SERPINB5: variants seen among roughly 807,000 people sequenced by gnomAD.
The protein encoded by SERPINB5 is serpin B5.
A neutral mutation model predicts 32.2 loss-of-function variants in SERPINB5; 27 were observed. That is an observed-to-expected ratio of 0.84 (90% confidence interval 0.62 to 1.16). The LOEUF (loss-of-function observed/expected upper bound fraction) is 1.16. SERPINB5 is among the 50% of genes most tolerant of loss of function. SERPINB5 has a pLI of 0.00. For missense variants in SERPINB5, 388 were observed against 436.3 expected (o/e 0.89, Z 0.99); for synonymous variants, 154 against 157.4 (o/e 0.98, Z 0.16).
In SERPINB5 at chr18:63,503,925, C is replaced by G. The variant is rs1030373685; in HGVS notation, c.*203C>G. 2 of 571,776 alleles carry G rather than the reference C, an allele frequency of 3.5e-6. No individual in the cohort carries two copies. The highest frequency in any genetic ancestry group is 3.0e-6 in the Non-Finnish European group (1 of 329,316). The allele number at this position is 571,776 out of a possible 1,614,324, so 35.4% of individuals were successfully genotyped here. On this transcript the variant is annotated 3_prime_UTR_variant, in exon 7 of 7. Coordinates refer to ENST00000382771, the MANE Select transcript of SERPINB5 (RefSeq NM_002639.5). Reference sequence around the variant, plus strand: ...TTCTATCTTTTGTTTCCTTTTTTCCCATAAGACAATGACATACGCTTTTAA... The same window carrying G: ...TTCTATCTTTTGTTTCCTTTTTTCCGATAAGACAATGACATACGCTTTTAA...
intron 6 of SERPINB5, among the ~76,000 whole-genome samples, chr18:63,500,660 C>T (rs1909552244): frequency 6.6e-6 from 1 of 152,126 alleles, no homozygotes. Context: ...TTAGTCCCTC[C>T]CTGGCTTCCA....
Position 63,499,101 on chromosome 18 carries a change from C to T in SERPINB5, c.568-19C>T, listed in dbSNP as rs1169052955. The T allele has an allele frequency of 3.5e-6, 5 of 1,423,964 alleles. No homozygotes were observed. The highest frequency in any genetic ancestry group is 2.9e-5 in the African/African-American group (2 of 68,484). The allele number at this position is 1,423,964 out of a possible 1,614,324, so 88.2% of individuals were successfully genotyped here. A position where few individuals can be genotyped will look rare whatever the true frequency, so the allele number is the denominator to read the frequency against. ...TGTGTAAATTGAAAAGTAAGCAGTCCAAATTTTCCCTTTTACAGACAGACA... is the reference window on the plus strand; with the variant it reads ...TGTGTAAATTGAAAAGTAAGCAGTCTAAATTTTCCCTTTTACAGACAGACA... On this transcript the variant is annotated intron_variant, in intron 5 of 6. Coordinates refer to ENST00000382771, the MANE Select transcript of SERPINB5 (RefSeq NM_002639.5).
intron 1 of SERPINB5, among the ~76,000 whole-genome samples, chr18:63,480,588 A>AT (rs1917111663): frequency 6.6e-6 from 1 of 152,128 alleles, no homozygotes; most frequent in African/African-American, 2.4e-5. Context: ...GGAAGTTTGT[A>AT]TTTTTTCCAG....
At chr18:63,497,584 A>G (rs184653139) in intron 5 of SERPINB5, among the ~76,000 whole-genome samples, 6 of 152,322 alleles carry the variant, frequency 3.9e-5, no homozygotes, top group Admixed American at 3.3e-4. Flanking sequence ...ATAATTTTAA[A>G]GAACATTTTC....
chr18:63,499,346 CCAA>C, intron 6 of SERPINB5, 59 bp downstream of exon 6: 1 of 1,392,312 alleles, frequency 7.2e-7, no homozygotes, highest in Non-Finnish European at 9.5e-7. Context: ...AAGAGTTGTG[CCAA>C]CAGGTCTGTG....
At chr18:63,485,221 A>G (rs116049812) in intron 2 of SERPINB5, among the ~76,000 whole-genome samples, 352 of 152,300 alleles carry the variant, frequency 2.3e-3, no homozygotes, top group Middle Eastern at 3.4e-3. Context: ...GTATCGTTTT[A>G]GGGTTTCTTT....
intron 6 of SERPINB5, among the ~76,000 whole-genome samples, chr18:63,501,620 C>T (rs1909573439): frequency 6.6e-6 from 1 of 152,186 alleles, no homozygotes; most frequent in African/African-American, 2.4e-5. Flanking sequence ...AACTGCCACA[C>T]TGACTTCCAC....
At chr18:63,486,298 G>A (rs886737466) in intron 2 of SERPINB5, among the ~76,000 whole-genome samples, 3 of 152,196 alleles carry the variant, frequency 2.0e-5, no homozygotes, top group African/African-American at 7.2e-5. Context: ...ACTCTAGCCA[G>A]CCCAGGGCAG....
intron 3 of SERPINB5, among the ~76,000 whole-genome samples, chr18:63,487,419 G>A (rs905901447): frequency 1.3e-5 from 2 of 152,178 alleles, no homozygotes; most frequent in African/African-American, 4.8e-5. Flanking sequence ...CTGTCTTACA[G>A]AGTGTAAGAC....
chr18:63,488,686 G>A (rs1342162056), intron 3 of SERPINB5, among the ~76,000 whole-genome samples: 1 of 152,116 alleles, frequency 6.6e-6, no homozygotes, highest in Non-Finnish European at 1.5e-5. Context: ...TTAAACCCAG[G>A]TAGTTCTGAT....
intron 5 of SERPINB5, chr18:63,496,893 C>A: frequency 3.1e-6 from 1 of 327,544 alleles, no homozygotes; most frequent in South Asian, 2.5e-5. Flanking sequence ...CTGGGCAGTG[C>A]TTGGACATAA....
At chr18:63,492,418 A>C (rs557482087) in intron 4 of SERPINB5, among the ~76,000 whole-genome samples, 2 of 152,332 alleles carry the variant, frequency 1.3e-5, no homozygotes, top group Non-Finnish European at 2.9e-5. Flanking sequence ...GGAGATAATG[A>C]TCTTTGCCTT....
intron 1 of SERPINB5, among the ~76,000 whole-genome samples, chr18:63,477,851 C>A (rs771899698): frequency 5.3e-5 from 8 of 152,154 alleles, no homozygotes; most frequent in South Asian, 2.1e-4. Context: ...TATTTCAGCC[C>A]AGCCCCCTCA....
intron 6 of SERPINB5, among the ~76,000 whole-genome samples, chr18:63,500,062 G>A (rs954296871): frequency 3.3e-5 from 5 of 151,850 alleles, no homozygotes; most frequent in African/African-American, 1.2e-4. Context: ...TGCCCAGGCT[G>A]GAGTGCAGTG....
intron 6 of SERPINB5, among the ~76,000 whole-genome samples, chr18:63,500,509 GTTA>G (rs1305137061): frequency 2.0e-5 from 3 of 151,938 alleles, no homozygotes; most frequent in African/African-American, 4.8e-5. Context: ...TATGATAAGG[GTTA>G]TTATATTATT....
intron 5 of SERPINB5, among the ~76,000 whole-genome samples, chr18:63,495,615 A>G (rs764648594): frequency 4.6e-5 from 7 of 152,230 alleles, no homozygotes; most frequent in Non-Finnish European, 7.3e-5. Flanking sequence ...TTTTGTGTCA[A>G]CCACACTAAG....
intron 5 of SERPINB5, among the ~76,000 whole-genome samples, chr18:63,496,171 A>G (rs1909441816): frequency 1.3e-5 from 2 of 152,192 alleles, no homozygotes; most frequent in African/African-American, 4.8e-5. Context: ...AAGTACCTGT[A>G]GTCAGTGCCG....
chr18:63,478,758 G>GTTTTTTTTTTTTTTTTTTTTTTTTTT (rs10669993), intron 1 of SERPINB5, among the ~76,000 whole-genome samples: 1 of 135,382 alleles, frequency 7.4e-6, no homozygotes, highest in Non-Finnish European at 1.5e-5. Flanking sequence ...TAAAAACGTA[G>GTTTTTTTTTTTTTTTTTTTTTTTTTT]TTTTTTTTTT....
In SERPINB5 at chr18:63,503,937, A is replaced by G. The variant is rs1909628379; in HGVS notation, c.*215A>G. The G allele has an allele frequency of 5.5e-6, 3 of 544,832 alleles. No homozygotes were observed. The South Asian group carries it at 7.8e-5, about 14-fold the overall frequency. The allele number at this position is 544,832 out of a possible 1,614,324, so 33.7% of individuals were successfully genotyped here. A position where few individuals can be genotyped will look rare whatever the true frequency, so the allele number is the denominator to read the frequency against. On this transcript the variant is annotated 3_prime_UTR_variant, in exon 7 of 7. Coordinates refer to ENST00000382771, the MANE Select transcript of SERPINB5 (RefSeq NM_002639.5). ...TTTCCTTTTTTCCCATAAGACAATG[A>G]CATACGCTTTTAATGAAAAGGAATC...
Sources: gnomAD v4.1 joint callset for allele counts (sites outside exome capture counted in the v4.1 genomes callset) on GRCh38, gnomAD v4.1.1 for gene constraint, MANE v1.5 for transcripts, NCBI Gene and HGNC (gene_info 2026-07-23, HGNC 2026-07-21) for gene names.